NUDCD1: variants seen among roughly 807,000 people sequenced by gnomAD.
NUDCD1 encodes the protein NudC domain containing 1.
A neutral mutation model predicts 67.8 loss-of-function variants in NUDCD1; 60 were observed. The observed-to-expected ratio is 0.88, with a 90% CI of 0.72 to 1.10. NUDCD1 has a LOEUF of 1.10. Among genes scored for constraint, NUDCD1 ranks in the 50% least tolerant of loss-of-function variants. NUDCD1 has a pLI of 0.00. For synonymous variants in NUDCD1, 244 were observed against 230.8 expected, an observed-to-expected ratio of 1.06 and a Z score of -0.52; for missense variants, 643 against 695.0, an observed-to-expected ratio of 0.93 and a Z score of 0.84.
chr8:109,252,519 A>G (rs987136817), intron 8 of NUDCD1, among the ~76,000 whole-genome samples: 2 of 152,112 alleles, frequency 1.3e-5, no homozygotes, highest in African/African-American at 2.4e-5. Flanking sequence ...CTTTAATCCA[A>G]TTCTGAACCA....
At position 109,280,970 on chromosome 8, in the gene NUDCD1, A is replaced by G. The variant is rs1426735997; in HGVS notation, c.1026T>C (p.Asn342=). 1.4e-6 allele frequency: 2 copies of G among 1,478,524 alleles called. No individual in the cohort carries two copies. The highest frequency in any genetic ancestry group is 2.3e-5 in the East Asian group (1 of 43,294). The allele number at this position is 1,478,524 out of a possible 1,614,324, so 91.6% of individuals were successfully genotyped here. The change falls in exon 6 of 10, where the codon AAT becomes AAC. Residue 342 remains asparagine, a splice_region_variant and synonymous_variant. Coordinates refer to ENST00000239690, the MANE Select transcript of NUDCD1 (RefSeq NM_032869.4). ...AAAGTAAAATTAAAAAAAAATACCT[A>G]TTACTCTCTTTAATTATCCATGTAC... is the stretch of plus-strand genomic sequence containing the variant. The part of the protein sequence containing the change: ...ESSTWIIKES[N]SLEISLIKKN...
intron 5 of NUDCD1, 25 bp downstream of exon 5, chr8:109,289,726 A>C: frequency 8.7e-7 from 1 of 1,147,268 alleles, no homozygotes; most frequent in Non-Finnish European, 1.3e-6. Context: ...AAATACCAAT[A>C]AGCTCTATTA....
Position 109,311,613 on chromosome 8 carries a change from G to A in NUDCD1, c.273+10696C>T, listed in dbSNP as rs1020010208. Among the ~76,000 whole-genome samples the A allele has an allele frequency of 2.1e-5, 3 of 145,430 alleles. No individual in the cohort carries two copies. The East Asian group carries it at 5.9e-4, about 28-fold the overall frequency. ...AGCCATAAAAAGGAATGAATTAAAG[G>A]CATTCACAGTGACCTGGATGAGATT... On this transcript the variant is annotated intron_variant, in intron 2 of 9. Coordinates refer to ENST00000239690, the MANE Select transcript of NUDCD1 (RefSeq NM_032869.4).
chr8:109,286,346 A>G (rs1436630992), intron 5 of NUDCD1, among the ~76,000 whole-genome samples: 1 of 152,162 alleles, frequency 6.6e-6, no homozygotes, highest in African/African-American at 2.4e-5. Context: ...CAAATAGCCA[A>G]AGCCATCCTA....
intron 5 of NUDCD1, among the ~76,000 whole-genome samples, chr8:109,284,764 A>G (rs1814534851): frequency 1.3e-5 from 2 of 148,954 alleles, no homozygotes; most frequent in South Asian, 2.2e-4. Context: ...GAAGAACAAG[A>G]AAAAAAAACA....
In NUDCD1 at chr8:109,333,897, G is replaced by A. The variant is rs772987050; in HGVS notation, c.114C>T (p.Asp38=). Reference sequence around the variant, plus strand: ...AAGGGCGCCGCCGCTTCCCACCTGCGTCAAGCTCCAGCTGGTAACAAGGCA... The same window carrying A: ...AAGGGCGCCGCCGCTTCCCACCTGCATCAAGCTCCAGCTGGTAACAAGGCA... ...EPLPCYQLEL[D]AAVAEVKLRD... is the part of the protein sequence containing the mutation. The change falls in exon 1 of 10, where the codon GAC becomes GAT. Residue 38 remains aspartate (D), a synonymous_variant. Coordinates refer to ENST00000239690, the MANE Select transcript of NUDCD1 (RefSeq NM_032869.4). 1.9e-6 allele frequency: 3 copies of A among 1,614,122 alleles called. No individual in the cohort carries two copies. The South Asian group carries it at 3.3e-5, about 18-fold the overall frequency.
chr8:109,329,744 A>C (rs1215509352), intron 1 of NUDCD1: 6 of 1,433,498 alleles, frequency 4.2e-6, no homozygotes, highest in Non-Finnish European at 5.7e-6. Context: ...TTTGTAGTTT[A>C]TTGTCAATTA....
chr8:109,259,262 A>G (rs112643401), intron 8 of NUDCD1, among the ~76,000 whole-genome samples: 3,144 of 152,268 alleles, frequency 0.021, 109 homozygotes, highest in African/African-American at 0.071. Context: ...CCATCTCCAC[A>G]TTTCCCCGTG....
In NUDCD1 at chr8:109,271,656, C is replaced by T. The variant is rs150785020; in HGVS notation, c.1174-526G>A. Reference sequence around the variant, plus strand: ...GAAAAAAATTGCAAATAAGTAATGGCCAACACTTTAGAATGTCAAAGAACT... The same window carrying T: ...GAAAAAAATTGCAAATAAGTAATGGTCAACACTTTAGAATGTCAAAGAACT... On this transcript the variant is annotated intron_variant, in intron 7 of 9. Coordinates refer to ENST00000239690, the MANE Select transcript of NUDCD1 (RefSeq NM_032869.4). Among the ~76,000 whole-genome samples the T allele has an allele frequency of 3.3e-5, 5 of 152,082 alleles. No individual in the cohort carries two copies. The East Asian group carries it at 9.7e-4, about 29-fold the overall frequency.
intron 8 of NUDCD1, among the ~76,000 whole-genome samples, chr8:109,245,792 T>C (rs1272203689): frequency 6.6e-6 from 1 of 152,162 alleles, no homozygotes; most frequent in Admixed American, 6.5e-5. Flanking sequence ...CACCTCTTAA[T>C]TGTTAGTAAA....
At chr8:109,247,287 A>G (rs1328084056) in intron 8 of NUDCD1, among the ~76,000 whole-genome samples, 1 of 152,212 alleles carries the variant, frequency 6.6e-6, no homozygotes, top group East Asian at 1.9e-4. Context: ...ATACAAGTTG[A>G]AACAATATTT....
rs1397298361 is a variant in NUDCD1 at position 109,333,973 on chromosome 8, C to T, written c.38G>A (p.Arg13Lys). ...CTCGAAGCGGGGATCCAACAGAGGT[C>T]TCTTCACCCGTAGGGAGCAATTAGC... is the stretch of plus-strand genomic sequence containing the variant. The part of the protein sequence containing the change: ...VAANCSLRVK[R>K]PLLDPRFEGY... The change falls in exon 1 of 10, where the codon AGA becomes AAA. Residue 13 changes from arginine (R) to lysine (K), a missense_variant. By Grantham distance (26) the Arg-to-Lys change is conservative. Transcript: ENST00000239690. The T allele has an allele frequency of 1.2e-6, 2 of 1,614,204 alleles. No homozygotes were observed. Among genetic ancestry groups the T allele is most frequent in the Non-Finnish European group, 1.7e-6 (2 of 1,180,008 alleles).
At chr8:109,323,828 T>A (rs964074174) in intron 1 of NUDCD1, among the ~76,000 whole-genome samples, 1 of 152,092 alleles carries the variant, frequency 6.6e-6, no homozygotes, top group Non-Finnish European at 1.5e-5. Flanking sequence ...GAACATACAC[T>A]GGGAAAAGGA....
intron 2 of NUDCD1, among the ~76,000 whole-genome samples, chr8:109,311,127 T>G (rs968787900): frequency 6.6e-5 from 10 of 151,998 alleles, no homozygotes; most frequent in Non-Finnish European, 1.5e-4. Context: ...AATAGACAAT[T>G]CTTAAAAGAA....
chr8:109,260,227 T>C (rs1361524594), intron 8 of NUDCD1, among the ~76,000 whole-genome samples: 1 of 152,228 alleles, frequency 6.6e-6, no homozygotes, highest in Non-Finnish European at 1.5e-5. Context: ...TCTCACTCTG[T>C]TGTAGGTTGC....
chr8:109,283,998 A>C (rs201768279), intron 5 of NUDCD1, among the ~76,000 whole-genome samples: 54,878 of 150,486 alleles, frequency 0.36, 10,922 homozygotes, highest in South Asian at 0.5. Context: ...TTAAAAAAAA[A>C]AAAAAAAAAC....
intron 1 of NUDCD1, among the ~76,000 whole-genome samples, chr8:109,328,405 A>G (rs1357660746): frequency 6.6e-6 from 1 of 152,158 alleles, no homozygotes; most frequent in Non-Finnish European, 1.5e-5. Context: ...CTACTCTGTC[A>G]TTAGACAGAG....
intron 6 of NUDCD1, among the ~76,000 whole-genome samples, chr8:109,279,594 G>C: frequency 6.6e-6 from 1 of 151,650 alleles, no homozygotes; most frequent in Non-Finnish European, 1.5e-5. Context: ...TTTTAATTTT[G>C]ATATGCAGAA....
In NUDCD1 at chr8:109,259,847, T is replaced by G. The variant is rs1173956973; in HGVS notation, c.1299+11158A>C. ...TTCTCAAAAACAGGAGCAACACAAATTTACCTTATTTAATAAGTTTCTTCT... is the reference window on the plus strand; with the variant it reads ...TTCTCAAAAACAGGAGCAACACAAAGTTACCTTATTTAATAAGTTTCTTCT... On this transcript the variant is annotated intron_variant, in intron 8 of 9. Transcript: ENST00000239690. Among the ~76,000 whole-genome samples the G allele has an allele frequency of 7.9e-5, 12 of 152,334 alleles. No homozygotes were observed. The South Asian group carries it at 1.0e-3, about 13-fold the overall frequency.
Sources: gnomAD v4.1 joint callset for allele counts (sites outside exome capture counted in the v4.1 genomes callset) on GRCh38, gnomAD v4.1.1 for gene constraint, MANE v1.5 for transcripts, NCBI Gene and HGNC (gene_info 2026-07-23, HGNC 2026-07-21) for gene names.